Variants in ANGPT2 observed in about 807,000 individuals in gnomAD.
ANGPT2 encodes angiopoietin-2.
In ANGPT2, 28 loss-of-function variants were observed where a neutral mutation model predicts 62.9. The observed-to-expected ratio is 0.44, with a 90% CI of 0.33 to 0.61. ANGPT2 has a LOEUF of 0.61. Ranked by LOEUF, ANGPT2 falls within the 20% of genes least tolerant of loss-of-function variation. ANGPT2 has a pLI of 0.03. For missense variants in ANGPT2, 727 were observed against 594.9 expected (o/e 1.22, Z -2.31); for synonymous variants, 284 against 207.8 (o/e 1.37, Z -3.15).
At chr8:6,518,364 CT>C (rs908643574) in intron 5 of ANGPT2, among the ~76,000 whole-genome samples, 1 of 152,214 alleles carries the variant, frequency 6.6e-6, no homozygotes, top group African/African-American at 2.4e-5. Context: ...TGTTCGTTGC[CT>C]TTTCATCTGC....
intron 8 of ANGPT2, among the ~76,000 whole-genome samples, chr8:6,505,926 A>G (rs895933413): frequency 1.2e-5 from 1 of 86,602 alleles, no homozygotes; most frequent in Non-Finnish European, 2.1e-5. Flanking sequence ...ATGTATATAT[A>G]AAAACATACA....
intron 2 of ANGPT2, among the ~76,000 whole-genome samples, chr8:6,530,662 C>T (rs1819318876): frequency 6.6e-6 from 1 of 151,918 alleles, no homozygotes; most frequent in African/African-American, 2.4e-5. Context: ...CCTTATGATC[C>T]GTTATGTAAA....
chr8:6,547,545 A>T (rs973175024), intron 1 of ANGPT2, among the ~76,000 whole-genome samples: 1 of 152,206 alleles, frequency 6.6e-6, no homozygotes, highest in African/African-American at 2.4e-5. Context: ...TTCTCTGTTT[A>T]TCAAAGGGGC....
chr8:6,532,188 C>T, intron 2 of ANGPT2, 144 bp downstream of exon 2: 1 of 974,442 alleles, frequency 1.0e-6, no homozygotes, highest in Non-Finnish European at 1.5e-6. Context: ...GCCATACATC[C>T]TTAATTTCTT....
chr8:6,530,455 G>C (rs970194363), intron 2 of ANGPT2, among the ~76,000 whole-genome samples: 1 of 142,452 alleles, frequency 7.0e-6, no homozygotes, highest in African/African-American at 2.6e-5. Flanking sequence ...GTTGCAGCAA[G>C]TCGAGATCAC....
At position 6,562,974 on chromosome 8, in the gene ANGPT2, G is replaced by A. The variant is rs2129575940; in HGVS notation, c.-40C>T. 1 of 1,548,226 alleles carries A rather than the reference G, an allele frequency of 6.5e-7. No individual in the cohort carries two copies. The highest frequency in any genetic ancestry group is 8.8e-7 in the Non-Finnish European group (1 of 1,139,930). On this transcript the variant is annotated 5_prime_UTR_variant, in exon 1 of 9. Coordinates refer to ENST00000629816, the MANE Select transcript of ANGPT2 (RefSeq NM_001118887.2). ...TAAACCAGCAGCTTAGCAAACTTGAGGGCAAACACACGTCCAGAGTCCCGA... is the reference window on the plus strand; with the variant it reads ...TAAACCAGCAGCTTAGCAAACTTGAAGGCAAACACACGTCCAGAGTCCCGA...
chr8:6,513,671 C>T lies in ANGPT2; in HGVS notation c.1196+7G>A, dbSNP rs1047400577. 1 of 1,603,682 alleles carries T rather than the reference C, an allele frequency of 6.2e-7. No individual in the cohort carries two copies. Among genetic ancestry groups the T allele is most frequent in the South Asian group, 1.1e-5 (1 of 88,442 alleles). On this transcript the variant is annotated splice_region_variant and intron_variant, in intron 7 of 8. Transcript: ENST00000629816. Reference sequence around the variant, plus strand: ...TTTTTTCTTTCAATTACCATGAACTCACTTACCTATAATTGAGTTCTTCAC... The same window carrying T: ...TTTTTTCTTTCAATTACCATGAACTTACTTACCTATAATTGAGTTCTTCAC...
intron 1 of ANGPT2, among the ~76,000 whole-genome samples, chr8:6,536,481 C>T (rs1207619742): frequency 2.0e-5 from 3 of 152,082 alleles, no homozygotes; most frequent in Non-Finnish European, 4.4e-5. Flanking sequence ...CTTAAGAAAA[C>T]AGACAGACCA....
intron 1 of ANGPT2, 76 bp downstream of exon 1, chr8:6,562,571 T>TTTTTTTTTTTTTTTTTTTTTTTTTAAAA: frequency 2.4e-6 from 1 of 417,078 alleles, no homozygotes; most frequent in Admixed American, 3.8e-5. Flanking sequence ...TTTTTTTTTT[T>TTTTTTTTTTTTTTTTTTTTTTTTTAAAA]GGTTGTTAAA....
Position 6,527,674 on chromosome 8 carries a change from T to G in ANGPT2, c.447A>C (p.Val149=). 6.2e-7 allele frequency: 1 copy of G among 1,603,166 alleles called. No homozygotes were observed. Among genetic ancestry groups the G allele is most frequent in the Non-Finnish European group, 8.5e-7 (1 of 1,176,906 alleles). The change falls in exon 3 of 9, where the codon GTA becomes GTC. Residue 149 remains valine (V), a splice_region_variant and synonymous_variant. Coordinates refer to ENST00000629816, the MANE Select transcript of ANGPT2 (RefSeq NM_001118887.2). Reference sequence around the variant, plus strand: ...GTTCAAGTCTCGTGGTCTGATTTAATACCTAAATGTAACAAAATGAAGTTC... The same window carrying G: ...GTTCAAGTCTCGTGGTCTGATTTAAGACCTAAATGTAACAAAATGAAGTTC... ...TRKLTDVEAQ[V]LNQTTRLELQ...
chr8:6,542,051 T>A (rs78681283), intron 1 of ANGPT2, among the ~76,000 whole-genome samples: 1 of 150,150 alleles, frequency 6.7e-6, no homozygotes, highest in African/African-American at 2.5e-5. Flanking sequence ...TGATTACAAA[T>A]AGAAGCAGTT....
In ANGPT2 at chr8:6,562,996, C is replaced by G; in HGVS notation, c.-62G>C. 6.6e-7 allele frequency: 1 copy of G among 1,515,970 alleles called. No homozygotes were observed. The highest frequency in any genetic ancestry group is 8.9e-7 in the Non-Finnish European group (1 of 1,125,044). 93.9% of individuals were successfully genotyped at this position (1,515,970 alleles called of 1,614,324 possible). On this transcript the variant is annotated 5_prime_UTR_variant, in exon 1 of 9. Transcript: ENST00000629816. ...TGAGGGCAAACACACGTCCAGAGTC[C>G]CGAGCTGCTGCCGTCTAAAACGCAG...
At chr8:6,546,951 C>T (rs1171354376) in intron 1 of ANGPT2, among the ~76,000 whole-genome samples, 1 of 152,196 alleles carries the variant, frequency 6.6e-6, no homozygotes, top group Non-Finnish European at 1.5e-5. Context: ...ATGTTCCTTG[C>T]AAGCTGGCTG....
Position 6,513,440 on chromosome 8 carries a change from C to T in ANGPT2, c.1196+238G>A, listed in dbSNP as rs553662693. Reference sequence around the variant, plus strand: ...CTCCGCCTCCCGGGTTCACGCCATTCTTCTGCCTCAGCCTCCCGAGTAGCT... The same window carrying T: ...CTCCGCCTCCCGGGTTCACGCCATTTTTCTGCCTCAGCCTCCCGAGTAGCT... On this transcript the variant is annotated intron_variant, in intron 7 of 8. Transcript: ENST00000629816. 1.8e-4 allele frequency among the ~76,000 whole-genome samples: 27 copies of T among 151,492 alleles called. No individual in the cohort carries two copies. The South Asian group carries it at 5.6e-3, about 32-fold the overall frequency.
intron 2 of ANGPT2, among the ~76,000 whole-genome samples, chr8:6,531,186 G>T (rs73507122): frequency 6.6e-6 from 1 of 151,504 alleles, no homozygotes; most frequent in Admixed American, 6.6e-5. Flanking sequence ...CAGGCCGTTC[G>T]CTGGGTCACA....
chr8:6,538,571 C>T (rs1820929718), intron 1 of ANGPT2, among the ~76,000 whole-genome samples: 1 of 152,210 alleles, frequency 6.6e-6, no homozygotes, highest in Non-Finnish European at 1.5e-5. Flanking sequence ...GTCCCAGCTG[C>T]CCAGCGGCCT....
intron 2 of ANGPT2, among the ~76,000 whole-genome samples, chr8:6,530,603 C>G (rs1471031086): frequency 1.3e-5 from 2 of 150,018 alleles, no homozygotes; most frequent in Non-Finnish European, 3.0e-5. Context: ...GATATATTGA[C>G]TTTTAAATCT....
chr8:6,532,703 A>T (rs1474707204), intron 1 of ANGPT2, among the ~76,000 whole-genome samples: 1 of 152,044 alleles, frequency 6.6e-6, no homozygotes, highest in Non-Finnish European at 1.5e-5. Context: ...CAACTTAGTC[A>T]CATCATGTAA....
At chr8:6,528,218 A>G (rs1050951763) in intron 2 of ANGPT2, among the ~76,000 whole-genome samples, 2 of 152,184 alleles carry the variant, frequency 1.3e-5, no homozygotes, top group Non-Finnish European at 2.9e-5. Flanking sequence ...TATCTTGGAA[A>G]GTGGTTAGTA....
Sources: gnomAD v4.1 joint callset for allele counts (sites outside exome capture counted in the v4.1 genomes callset) on GRCh38, gnomAD v4.1.1 for gene constraint, MANE v1.5 for transcripts, NCBI Gene and HGNC (gene_info 2026-07-23, HGNC 2026-07-21) for gene names.